Variants in ECT2 observed in about 807,000 individuals in gnomAD.
The protein encoded by ECT2 is protein ECT2.
ECT2 carries 61 observed loss-of-function variants against 116.9 expected under a neutral mutation model. The ratio of observed to expected loss-of-function variants is 0.52; its 90% CI spans 0.42 to 0.65. ECT2 has a LOEUF of 0.65. Among genes scored for constraint, ECT2 ranks in the 30% least tolerant of loss-of-function variants. The pLI, the probability that ECT2 is intolerant of heterozygous loss-of-function variation, is 0.00. For missense variants in ECT2, 937 were observed against 1,078.7 expected (o/e 0.87, Z 1.84); for synonymous variants, 358 against 346.4 (o/e 1.03, Z -0.37).
Position 172,760,199 on chromosome 3 carries a change from GAAAAGACTTTAATTCAAA to G in ECT2, c.622_639del (p.Lys208_Lys213del). 1 of 1,612,336 alleles carries G rather than the reference GAAAAGACTTTAATTCAAA, an allele frequency of 6.2e-7. No homozygotes were observed. Among genetic ancestry groups the G allele is most frequent in the Non-Finnish European group, 8.5e-7 (1 of 1,179,100 alleles). ...GTCCATCACATGGGTGGAGTTATTC[GAAAAGACTTTAATTCAAA>G]AGTTACACATTTGGTGGCAAATTGT... On this transcript the variant is annotated inframe_deletion, in exon 7 of 25. Transcript: ENST00000392692.
intron 8 of ECT2, among the ~76,000 whole-genome samples, chr3:172,762,153 A>C (rs1212484794): frequency 6.6e-6 from 1 of 152,074 alleles, no homozygotes; most frequent in East Asian, 1.9e-4. Context: ...AGTACATATA[A>C]ATCTTCAAAT....
rs1215722202 is a variant in ECT2 at position 172,760,156 on chromosome 3, G to A, written c.577G>A (p.Val193Ile). The A allele has an allele frequency of 3.8e-6, 6 of 1,593,332 alleles. No homozygotes were observed. Among genetic ancestry groups the A allele is most frequent in the Middle Eastern group, 1.7e-4 (1 of 6,024 alleles). ...FTGFRKKEEL[V>I]RLVTLVHHMG... ...AGTGTTGCTTAATTTTTCTTTTGAGGTCAGGTTGGTGACATTGGTCCATCA... is the reference window on the plus strand; with the variant it reads ...AGTGTTGCTTAATTTTTCTTTTGAGATCAGGTTGGTGACATTGGTCCATCA... The change falls in exon 7 of 25, where the codon GTC becomes ATC. Residue 193 changes from valine to isoleucine, a missense_variant and splice_region_variant. Physicochemically the swap from Val to Ile is conservative, Grantham distance 29. Transcript: ENST00000392692.
chr3:172,828,373 T>C, the ECT2 span, among the ~76,000 whole-genome samples: 1 of 148,882 alleles, frequency 6.7e-6, no homozygotes, highest in Non-Finnish European at 1.5e-5. Flanking sequence ...TGTGTGTGCA[T>C]AAAACGTGAC....
chr3:172,784,259 C>A (rs6796708), intron 16 of ECT2, among the ~76,000 whole-genome samples: 9,339 of 151,982 alleles, frequency 0.061, 970 homozygotes, highest in African/African-American at 0.21. Context: ...CATCCTGAGC[C>A]ACATAGTGAG....
rs61083731 is a variant in ECT2, at chr3:172,782,247, CTTTTT to C, written c.1617+18_1617+22del. 17,127 of 1,463,478 alleles carry C rather than the reference CTTTTT, an allele frequency of 0.012. 1,628 individuals carry two copies. In the African/African-American group the frequency reaches 0.21, roughly 18 times the overall value. 90.7% of individuals were successfully genotyped at this position (1,463,478 alleles called of 1,614,324 possible). A position where few individuals can be genotyped will look rare whatever the true frequency, so the allele number is the denominator to read the frequency against. ...TCTGAAATATGTAAGTATTGTATTT[CTTTTT>C]TAAGTTTTCAGATTAAAATATGATC... On this transcript the variant is annotated intron_variant, in intron 15 of 24. Transcript: ENST00000392692.
At chr3:172,821,847 T>A (rs1560042108), downstream of ECT2, among the ~76,000 whole-genome samples, 1 of 151,850 alleles carries the variant, frequency 6.6e-6, no homozygotes, top group African/African-American at 2.4e-5. Context: ...AAGCTAGAAA[T>A]GTATTGACTA....
Position 172,762,707 on chromosome 3 carries a change from G to T in ECT2, c.906G>T (p.Pro302=). The change falls in exon 10 of 25, where the codon CCG becomes CCT. Residue 302 remains proline, a synonymous_variant. Coordinates refer to ENST00000392692, the MANE Select transcript of ECT2 (RefSeq NM_001258315.2). ...CCTTTTTAGGAGGTAAATATTTACC[G>T]CTTGGAGATGAAAGATGCACTCACC... ...MTEMQGGKYL[P]LGDERCTHLV... is the part of the protein sequence containing the mutation. 1 of 1,610,750 alleles carries T rather than the reference G, an allele frequency of 6.2e-7. No homozygotes were observed. The highest frequency in any genetic ancestry group is 8.5e-7 in the Non-Finnish European group (1 of 1,178,914).
intron 22 of ECT2, among the ~76,000 whole-genome samples, chr3:172,810,033 C>G (rs1157364138): frequency 1.3e-5 from 2 of 152,098 alleles, no homozygotes; most frequent in African/African-American, 4.8e-5. Flanking sequence ...TATTTTTGGT[C>G]TCTTGCCAAC....
At chr3:172,756,289 T>G (rs1716967754) in intron 4 of ECT2, among the ~76,000 whole-genome samples, 1 of 152,154 alleles carries the variant, frequency 6.6e-6, no homozygotes, top group South Asian at 2.1e-4. Context: ...CCATTTTGAG[T>G]TAAAAAAAAA....
chr3:172,791,318 A>T (rs550056858), intron 18 of ECT2, among the ~76,000 whole-genome samples: 1 of 152,232 alleles, frequency 6.6e-6, no homozygotes, highest in Non-Finnish European at 1.5e-5. Flanking sequence ...CAGCTGCATT[A>T]GCCCCTAACG....
intron 24 of ECT2, chr3:172,818,468 G>A (rs544827811): frequency 1.2e-6 from 1 of 819,510 alleles, no homozygotes; most frequent in African/African-American, 1.9e-5. Context: ...ACTTTTAATA[G>A]ACAGCATATG....
chr3:172,767,357 C>T (rs1191390129), intron 12 of ECT2, among the ~76,000 whole-genome samples: 1 of 152,174 alleles, frequency 6.6e-6, no homozygotes, highest in Non-Finnish European at 1.5e-5. Flanking sequence ...AGGAGAATCA[C>T]TTGAACCCGG....
intron 14 of ECT2, among the ~76,000 whole-genome samples, chr3:172,779,936 A>G (rs1344916534): frequency 6.6e-6 from 1 of 151,930 alleles, no homozygotes; most frequent in Non-Finnish European, 1.5e-5. Context: ...CAATTCAGTT[A>G]TTTTAATAAC....
chr3:172,792,964 C>T (rs765565947), intron 18 of ECT2, among the ~76,000 whole-genome samples: 1 of 152,024 alleles, frequency 6.6e-6, no homozygotes, highest in Non-Finnish European at 1.5e-5. Flanking sequence ...AAGCAATCTG[C>T]CTGCCTCGGC....
chr3:172,815,567 T>A, intron 22 of ECT2, 37 bp from the exon 23 acceptor site: 3 of 1,302,108 alleles, frequency 2.3e-6, no homozygotes, highest in Non-Finnish European at 3.2e-6. Context: ...AACAGTTGTG[T>A]GTTTTTAAGA....
chr3:172,783,770 A>C (rs1473233004), intron 15 of ECT2, 29 bp from the exon 16 acceptor site: 1 of 1,407,244 alleles, frequency 7.1e-7, no homozygotes, highest in Non-Finnish European at 1.0e-6. Flanking sequence ...ATGCATAATA[A>C]ATAATGTTTT....
the ECT2 span, chr3:172,828,743 G>A: frequency 7.0e-5 from 39 of 553,722 alleles, no homozygotes; most frequent in African/African-American, 6.7e-4. Flanking sequence ...ACGTGGCGAA[G>A]AGGATGAGGA....
chr3:172,754,757 G>A, intron 2 of ECT2, 97 bp downstream of exon 2: 1 of 875,706 alleles, frequency 1.1e-6, no homozygotes, highest in African/African-American at 1.7e-5. Flanking sequence ...CAACTGTAAT[G>A]CTAGAGCACA....
rs376803300 is a variant in ECT2, at chr3:172,807,823, G to A, written c.2299G>A (p.Val767Met). 45 of 1,613,934 alleles carry A rather than the reference G, an allele frequency of 2.8e-5. 1 individual carries two copies. The highest frequency in any genetic ancestry group is 1.7e-4 in the Middle Eastern group (1 of 6,058). The change falls in exon 22 of 25, where the codon GTG (valine) becomes ATG (methionine). Residue 767 changes from valine (V) to methionine (M), a missense_variant. Physicochemically the swap from Val to Met is conservative, Grantham distance 21 (BLOSUM62 1). Coordinates refer to ENST00000392692, the MANE Select transcript of ECT2 (RefSeq NM_001258315.2). Reference sequence around the variant, plus strand: ...GAGGCCACCAACAGAGCAGGCAAATGTGCTACTCAGTTTCCAGATGACATC... The same window carrying A: ...GAGGCCACCAACAGAGCAGGCAAATATGCTACTCAGTTTCCAGATGACATC... ...LVRPPTEQAN[V>M]LLSFQMTSDE...
Sources: allele counts gnomAD v4.1 joint callset (sites outside exome capture counted in the v4.1 genomes callset), GRCh38; gene constraint gnomAD v4.1.1; transcripts MANE v1.5; gene names NCBI Gene and HGNC (gene_info 2026-07-23, HGNC 2026-07-21).